The following SYNPR variants were observed in gnomAD, a reference collection of about 807,000 sequenced individuals.
SYNPR encodes synaptoporin.
In SYNPR, 23 loss-of-function variants were observed where a neutral mutation model predicts 32.9. That is an observed-to-expected ratio of 0.70 (90% CI 0.50 to 0.99). SYNPR has a LOEUF of 0.99. SYNPR is among the 50% of genes least tolerant of loss of function. The pLI, the probability that SYNPR is intolerant of heterozygous loss-of-function variation, is 0.00. For missense variants in SYNPR, 318 were observed against 349.3 expected, an observed-to-expected ratio of 0.91 and a Z score of 0.71; for synonymous variants, 146 against 135.9, an observed-to-expected ratio of 1.07 and a Z score of -0.52.
At chr3:63,345,527 G>A (rs1028711911) in intron 2 of SYNPR, among the ~76,000 whole-genome samples, 6 of 152,300 alleles carry the variant, frequency 3.9e-5, no homozygotes, top group African/African-American at 1.4e-4. Flanking sequence ...GACAAGAGGG[G>A]TGACCTCCAG....
intron 2 of SYNPR, among the ~76,000 whole-genome samples, chr3:63,307,903 T>C (rs975381237): frequency 1.3e-5 from 2 of 151,994 alleles, no homozygotes; most frequent in South Asian, 2.1e-4. Flanking sequence ...AGATCTGATA[T>C]CAGACTTGAG....
At chr3:63,512,568 A>C (rs1287645565) in intron 3 of SYNPR, among the ~76,000 whole-genome samples, 1 of 152,136 alleles carries the variant, frequency 6.6e-6, no homozygotes, top group Non-Finnish European at 1.5e-5. Flanking sequence ...GAAGAGTTAG[A>C]GTCAGAGAAA....
At chr3:63,315,392 G>T (rs1385177785) in intron 2 of SYNPR, among the ~76,000 whole-genome samples, 3 of 152,038 alleles carry the variant, frequency 2.0e-5, no homozygotes, top group African/African-American at 7.2e-5. Flanking sequence ...CCATTTGTTT[G>T]TGTCATCTAT....
intron 3 of SYNPR, among the ~76,000 whole-genome samples, chr3:63,496,977 T>A (rs1701386194): frequency 6.6e-6 from 1 of 152,156 alleles, no homozygotes; most frequent in South Asian, 2.1e-4. Context: ...TAAGAATAGC[T>A]TGATATTGAT....
intron 3 of SYNPR, among the ~76,000 whole-genome samples, chr3:63,536,964 C>T (rs905525874): frequency 6.6e-6 from 1 of 152,030 alleles, no homozygotes; most frequent in African/African-American, 2.4e-5. Context: ...GATACGACTG[C>T]TAATAGGTAT....
chr3:63,211,759 G>A, the SYNPR span, among the ~76,000 whole-genome samples: 1 of 144,110 alleles, frequency 6.9e-6, no homozygotes, highest in African/African-American at 2.6e-5. Flanking sequence ...TGCACATTGT[G>A]CAGGTTAGTT....
intron 1 of SYNPR, among the ~76,000 whole-genome samples, chr3:63,233,237 G>A (rs1011143578): frequency 2.8e-4 from 42 of 152,272 alleles, no homozygotes; most frequent in African/African-American, 5.5e-4. Context: ...TTCTTAAGCC[G>A]AATGGAATTT....
intron 2 of SYNPR, among the ~76,000 whole-genome samples, chr3:63,294,364 G>A (rs1249826948): frequency 6.6e-6 from 1 of 152,188 alleles, no homozygotes; most frequent in South Asian, 2.1e-4. Context: ...TTTGATAGTG[G>A]AAATGAAATC....
intron 4 of SYNPR, among the ~76,000 whole-genome samples, chr3:63,596,321 C>T (rs912910457): frequency 7.8e-6 from 1 of 127,898 alleles, no homozygotes; most frequent in Non-Finnish European, 1.6e-5. Flanking sequence ...TTCCCCAATG[C>T]TCCCCCTTCC....
At chr3:63,489,940 G>A (rs1701228671) in intron 3 of SYNPR, among the ~76,000 whole-genome samples, 1 of 152,160 alleles carries the variant, frequency 6.6e-6, no homozygotes, top group African/African-American at 2.4e-5. Context: ...AGGCTCCTAA[G>A]TGGAGCGGGG....
chr3:63,370,963 C>T (rs759860915), intron 2 of SYNPR, among the ~76,000 whole-genome samples: 9 of 152,132 alleles, frequency 5.9e-5, no homozygotes, highest in South Asian at 4.1e-4. Context: ...AAGGAGCTAG[C>T]GTGCACTGCT....
chr3:63,454,344 T>C (rs914778505), intron 2 of SYNPR, among the ~76,000 whole-genome samples: 8 of 152,198 alleles, frequency 5.3e-5, no homozygotes, highest in Admixed American at 5.2e-4. Context: ...AGGTTTTCTT[T>C]TAAATGAAAC....
chr3:63,431,578 AG>A (rs1699994669), intron 2 of SYNPR, among the ~76,000 whole-genome samples: 1 of 152,182 alleles, frequency 6.6e-6, no homozygotes, highest in South Asian at 2.1e-4. Context: ...TTGAAGGAAA[AG>A]TAGAGTCATG....
chr3:63,339,780 T>A (rs1442644923), intron 2 of SYNPR, among the ~76,000 whole-genome samples: 2 of 151,174 alleles, frequency 1.3e-5, no homozygotes, highest in Non-Finnish European at 2.9e-5. Flanking sequence ...GCCTCAGCCA[T>A]CTGAGTGGCT....
intron 2 of SYNPR, among the ~76,000 whole-genome samples, chr3:63,448,789 A>T (rs936921257): frequency 3.3e-5 from 5 of 152,154 alleles, no homozygotes; most frequent in African/African-American, 7.2e-5. Context: ...AAATGCCTTC[A>T]TTTTTCCATT....
At chr3:63,260,968 C>T (rs2086432414) in intron 2 of SYNPR, among the ~76,000 whole-genome samples, 1 of 152,034 alleles carries the variant, frequency 6.6e-6, no homozygotes, top group African/African-American at 2.4e-5. Flanking sequence ...TGAAAAAATG[C>T]TCATCATCAC....
intron 3 of SYNPR, among the ~76,000 whole-genome samples, chr3:63,527,768 C>A (rs933733253): frequency 6.6e-6 from 1 of 152,128 alleles, no homozygotes; most frequent in African/African-American, 2.4e-5. Context: ...ATGTCCTTTG[C>A]GTGGCCTTAT....
chr3:63,492,656 G>C (rs916591932), intron 3 of SYNPR, among the ~76,000 whole-genome samples: 3 of 152,134 alleles, frequency 2.0e-5, no homozygotes, highest in Non-Finnish European at 4.4e-5. Flanking sequence ...ACAAGCGGCA[G>C]AGATTAAATC....
upstream of SYNPR, among the ~76,000 whole-genome samples, chr3:63,226,108 T>A (rs1247667938): frequency 6.6e-6 from 1 of 152,162 alleles, no homozygotes; most frequent in Non-Finnish European, 1.5e-5. Context: ...ACATCCCTGA[T>A]AATTAGGGAA....
Sources: allele counts gnomAD v4.1 joint callset (sites outside exome capture counted in the v4.1 genomes callset), GRCh38; gene constraint gnomAD v4.1.1; transcripts MANE v1.5; gene names NCBI Gene and HGNC (gene_info 2026-07-23, HGNC 2026-07-21).